LRP5: variants seen among roughly 807,000 people sequenced by gnomAD.
LRP5 encodes the protein LDL receptor related protein 5.
A neutral mutation model predicts 154.1 loss-of-function variants in LRP5; 62 were observed. The ratio of observed to expected loss-of-function variants is 0.40; its 90% CI spans 0.33 to 0.50. LRP5 has a LOEUF of 0.50. Ranked by LOEUF, LRP5 falls within the 20% of genes least tolerant of loss-of-function variation. LRP5 has a pLI of 0.55. For missense variants in LRP5, 1,915 were observed against 2,336.7 expected (o/e 0.82, Z 3.72); for synonymous variants, 966 against 1,011.5 (o/e 0.96, Z 0.85).
chr11:68,378,219 G>A (rs1338559463), intron 5 of LRP5, among the ~76,000 whole-genome samples: 1 of 152,240 alleles, frequency 6.6e-6, no homozygotes, highest in African/African-American at 2.4e-5. Flanking sequence ...GGTATTAACT[G>A]TGATGACCTT....
intron 8 of LRP5, among the ~76,000 whole-genome samples, chr11:68,405,828 T>G (rs1208575959): frequency 6.6e-6 from 1 of 152,232 alleles, no homozygotes; most frequent in Non-Finnish European, 1.5e-5. Flanking sequence ...AATGTGAGTT[T>G]TCAGGGTTGC....
intron 5 of LRP5, among the ~76,000 whole-genome samples, chr11:68,376,515 C>T (rs2508838): frequency 0.58 from 88,853 of 152,064 alleles, 28,031 homozygotes; most frequent in South Asian, 0.86. Context: ...CTGAGGCACA[C>T]GGTGCCGAGA....
chr11:68,396,654 C>G (rs937864852), intron 7 of LRP5, among the ~76,000 whole-genome samples: 1 of 152,206 alleles, frequency 6.6e-6, no homozygotes, highest in Non-Finnish European at 1.5e-5. Flanking sequence ...GGAGGCCCCT[C>G]CTGCTGGCCT....
rs1332612230 is a variant in LRP5 at position 68,413,527 on chromosome 11, C to T, written c.2504-162C>T. Among the ~76,000 whole-genome samples, 1 of 152,204 alleles carries T rather than the reference C, an allele frequency of 6.6e-6. No homozygotes were observed. Among genetic ancestry groups the T allele is most frequent in the Non-Finnish European group, 1.5e-5 (1 of 68,032 alleles). On this transcript the variant is annotated intron_variant, in intron 11 of 22. Coordinates refer to ENST00000294304, the MANE Select transcript of LRP5 (RefSeq NM_002335.4). The surrounding 1 kb of genome is among the most constrained non-coding windows in gnomAD (Gnocchi z 5.1). The stretch of plus-strand genomic sequence containing the variant: ...TTAATTTTGCTAGATCCTGCCTGCG[C>T]TTCAGTGGATCTTGCTGGTTTTCCA...
intron 16 of LRP5, among the ~76,000 whole-genome samples, chr11:68,426,565 C>T (rs2098668898): frequency 6.6e-6 from 1 of 151,882 alleles, no homozygotes; most frequent in Non-Finnish European, 1.5e-5. Context: ...GTAGCTGGGA[C>T]TACAGGTGGG....
At chr11:68,318,255 C>G (rs1409855003) in intron 1 of LRP5, among the ~76,000 whole-genome samples, 10 of 151,556 alleles carry the variant, frequency 6.6e-5, no homozygotes, top group Non-Finnish European at 1.2e-4. Context: ...GGGGTTTCAC[C>G]GTGTTAGCCA....
chr11:68,418,054 C>T (rs958908719), intron 13 of LRP5, among the ~76,000 whole-genome samples: 10 of 152,246 alleles, frequency 6.6e-5, no homozygotes, highest in African/African-American at 2.4e-4. Context: ...CACCTGGAGT[C>T]TGCAGCATGG....
At chr11:68,305,361 C>T in the LRP5 span, among the ~76,000 whole-genome samples, 2 of 151,912 alleles carry the variant, frequency 1.3e-5, no homozygotes, top group Non-Finnish European at 2.9e-5. Flanking sequence ...AAGCAGATGC[C>T]GGCACCATGC....
chr11:68,321,058 GTTTTTTTT>G (rs36049256), intron 1 of LRP5, among the ~76,000 whole-genome samples: 10 of 119,798 alleles, frequency 8.3e-5, no homozygotes, highest in Non-Finnish European at 1.3e-4. Context: ...TTCTGTCTGG[GTTTTTTTT>G]TTTTTTTTTT....
upstream of LRP5, among the ~76,000 whole-genome samples, chr11:68,309,265 C>T (rs1291387137): frequency 6.8e-6 from 1 of 147,820 alleles, no homozygotes; most frequent in Non-Finnish European, 1.5e-5. Flanking sequence ...CGGAGTCTTG[C>T]TCTGTCGCCC....
At chr11:68,446,379 A>G in intron 21 of LRP5, 57 bp from the exon 22 acceptor site, 2 of 1,180,988 alleles carry the variant, frequency 1.7e-6, no homozygotes, top group Non-Finnish European at 2.5e-6. Context: ...TGTGGGAGGA[A>G]GGAAGGAATG....
At chr11:68,401,758 G>A (rs991255731) in intron 7 of LRP5, among the ~76,000 whole-genome samples, 3 of 152,060 alleles carry the variant, frequency 2.0e-5, no homozygotes, top group African/African-American at 7.2e-5. Context: ...GCATGATCTC[G>A]GCTCACTGCA....
intron 1 of LRP5, among the ~76,000 whole-genome samples, chr11:68,332,931 T>C (rs2098603715): frequency 6.6e-6 from 1 of 152,284 alleles, no homozygotes; most frequent in African/African-American, 2.4e-5. Context: ...TTTGCAGAGC[T>C]TTCTCTAAAA....
chr11:68,315,637 G>C (rs1204498238), intron 1 of LRP5, among the ~76,000 whole-genome samples: 2 of 152,258 alleles, frequency 1.3e-5, no homozygotes, highest in African/African-American at 4.8e-5. Context: ...GTCTGCTACC[G>C]AGTGAAGTGC....
chr11:68,399,878 A>T (rs1565076977), intron 7 of LRP5, among the ~76,000 whole-genome samples: 1 of 152,220 alleles, frequency 6.6e-6, no homozygotes, highest in Non-Finnish European at 1.5e-5. Flanking sequence ...CTCCAGTATT[A>T]GAGCAACTGA....
At position 68,312,620 on chromosome 11, in the gene LRP5, G is replaced by C. The variant is rs1463159360; in HGVS notation, c.-95G>C. 1 of 440,890 alleles carries C rather than the reference G, an allele frequency of 2.3e-6. No homozygotes were observed. The highest frequency in any genetic ancestry group is 2.2e-5 in the African/African-American group (1 of 46,370). The allele number at this position is 440,890 out of a possible 1,614,324, so 27.3% of individuals were successfully genotyped here. On this transcript the variant is annotated 5_prime_UTR_variant, in exon 1 of 23. Coordinates refer to ENST00000294304, the MANE Select transcript of LRP5 (RefSeq NM_002335.4). Reference sequence around the variant, plus strand: ...TCCTGGTCCGCGGCGCCCGAGGGGGGAGGCGGAGGCGCCGGGAGCCGCGCG... The same window carrying C: ...TCCTGGTCCGCGGCGCCCGAGGGGGCAGGCGGAGGCGCCGGGAGCCGCGCG...
Position 68,348,129 on chromosome 11 carries a change from C to T in LRP5, c.374C>T (p.Thr125Met), listed in dbSNP as rs770000425. Residue 125 changes from threonine (T) to methionine (M), a missense_variant, in exon 2 of 23, where the codon ACG becomes ATG. Transcript: ENST00000294304. ...TGGGTGGGCAAGAAGCTGTACTGGA[C>T]GGACTCAGAGACCAACCGCATCGAG... is the stretch of plus-strand genomic sequence containing the variant. ...CDWVGKKLYW[T>M]DSETNRIEVA... is the part of the protein sequence containing the mutation. 8.1e-6 allele frequency: 13 copies of T among 1,613,984 alleles called. No homozygotes were observed. The highest frequency in any genetic ancestry group is 1.7e-5 in the Admixed American group (1 of 60,002).
At chr11:68,420,699 C>T (rs1013924021) in intron 13 of LRP5, among the ~76,000 whole-genome samples, 6 of 150,174 alleles carry the variant, frequency 4.0e-5, no homozygotes, top group Non-Finnish European at 5.9e-5. Context: ...GTGAGACTTC[C>T]TGTCTCAAAA....
intron 5 of LRP5, among the ~76,000 whole-genome samples, chr11:68,373,959 T>G (rs2098635872): frequency 6.6e-6 from 1 of 152,288 alleles, no homozygotes; most frequent in Non-Finnish European, 1.5e-5. Flanking sequence ...CCCTGGCCGG[T>G]GGCTCTCAGA....
Sources: allele counts gnomAD v4.1 joint callset (sites outside exome capture counted in the v4.1 genomes callset), GRCh38; gene constraint gnomAD v4.1.1; non-coding constraint Gnocchi (gnomAD v3.1); transcripts MANE v1.5; gene names NCBI Gene and HGNC (gene_info 2026-07-23, HGNC 2026-07-21).